The following PLGRKT variants were observed in gnomAD, a reference collection of about 807,000 sequenced individuals.
The protein encoded by PLGRKT is plasminogen receptor (KT).
PLGRKT carries 22 observed loss-of-function variants against 18.5 expected under a neutral mutation model. The ratio of observed to expected loss-of-function variants is 1.19; its 90% CI spans 0.85 to 1.70. PLGRKT has a LOEUF of 1.70. PLGRKT is among the 40% of genes most tolerant of loss of function. The pLI is 0.00. For synonymous variants in PLGRKT, 72 were observed against 52.8 expected (o/e 1.36, Z -1.58); for missense variants, 235 against 174.4 (o/e 1.35, Z -1.96).
chr9:5,398,902 G>A (rs938528843), intron 3 of PLGRKT, among the ~76,000 whole-genome samples: 5 of 151,604 alleles, frequency 3.3e-5, no homozygotes, highest in South Asian at 2.1e-4. Flanking sequence ...AAAGCACTTC[G>A]CCTCCCCATC....
Position 5,418,532 on chromosome 9 carries a change from C to A in PLGRKT, c.81+13365G>T. 1.1e-6 allele frequency: 1 copy of A among 940,724 alleles called. No individual in the cohort carries two copies. Among genetic ancestry groups the A allele is most frequent in the Non-Finnish European group, 1.7e-6 (1 of 575,976 alleles). The allele number at this position is 940,724 out of a possible 1,614,324, so 58.3% of individuals were successfully genotyped here. A position where few individuals can be genotyped will look rare whatever the true frequency, so the allele number is the denominator to read the frequency against. On this transcript the variant is annotated intron_variant, in intron 3 of 5. Transcript: ENST00000223864. The surrounding 1 kb of genome is among the most constrained non-coding windows in gnomAD (Gnocchi z 4.2). ...CGCCTGTCCTGCTCCTCCTCCGCCA[C>A]CCCCTGGGGAGCCCTGCCTTGCAGA... is the stretch of plus-strand genomic sequence containing the variant.
intron 3 of PLGRKT, among the ~76,000 whole-genome samples, chr9:5,398,054 G>A (rs1265971128): frequency 6.6e-6 from 1 of 151,890 alleles, no homozygotes; most frequent in Non-Finnish European, 1.5e-5. Context: ...CCACACTGAG[G>A]ACTAGAGCAG....
In PLGRKT at chr9:5,431,285, G is replaced by C. The variant is rs770950312; in HGVS notation, c.81+612C>G. ...CCAGGCACACATACCTGTAATTCCAGCAATTTGGGAGGCTGAGGCCAGTAG... is the reference window on the plus strand; with the variant it reads ...CCAGGCACACATACCTGTAATTCCACCAATTTGGGAGGCTGAGGCCAGTAG... On this transcript the variant is annotated intron_variant, in intron 3 of 5. Transcript: ENST00000223864. Among the ~76,000 whole-genome samples, 42 of 152,036 alleles carry C rather than the reference G, an allele frequency of 2.8e-4. 1 individual carries two copies. Among genetic ancestry groups the C allele is most frequent in the Admixed American group, 6.5e-5 (1 of 15,270 alleles).
At chr9:5,410,916 T>C (rs1818349935) in intron 3 of PLGRKT, among the ~76,000 whole-genome samples, 1 of 152,214 alleles carries the variant, frequency 6.6e-6, no homozygotes, top group South Asian at 2.1e-4. Context: ...AAATCAGCAT[T>C]ATTTACTTCA....
chr9:5,403,990 C>A (rs1376869870), intron 3 of PLGRKT, among the ~76,000 whole-genome samples: 3 of 152,084 alleles, frequency 2.0e-5, no homozygotes, highest in Non-Finnish European at 4.4e-5. Flanking sequence ...TCAGAGAATA[C>A]TATAAACACC....
At chr9:5,369,513 C>T (rs1385255729) in intron 3 of PLGRKT, among the ~76,000 whole-genome samples, 2 of 152,128 alleles carry the variant, frequency 1.3e-5, no homozygotes, top group Non-Finnish European at 2.9e-5. Flanking sequence ...ATTAGTTCAA[C>T]CATTGTGGAA....
chr9:5,436,462 A>C (rs917406765), intron 2 of PLGRKT, 107 bp downstream of exon 2: 4 of 152,224 alleles, frequency 2.6e-5, no homozygotes, highest in African/African-American at 9.6e-5. Flanking sequence ...GTGTGCTTTC[A>C]AGTGCTCCTG....
At chr9:5,413,753 C>T (rs933792389) in intron 3 of PLGRKT, among the ~76,000 whole-genome samples, 1 of 152,156 alleles carries the variant, frequency 6.6e-6, no homozygotes, top group Non-Finnish European at 1.5e-5. Flanking sequence ...TTTTAAATCA[C>T]TAAGTTTGTG....
intron 3 of PLGRKT, among the ~76,000 whole-genome samples, chr9:5,368,100 T>G (rs1268118177): frequency 2.6e-5 from 4 of 152,194 alleles, no homozygotes; most frequent in African/African-American, 9.6e-5. Context: ...CTGGCAAGGC[T>G]GCAGAGAAGA....
chr9:5,429,156 A>G (rs2131173453), intron 3 of PLGRKT, among the ~76,000 whole-genome samples: 2 of 152,366 alleles, frequency 1.3e-5, no homozygotes, highest in Middle Eastern at 6.8e-3. Flanking sequence ...CACTACATAC[A>G]AATGTACAAT....
At position 5,422,200 on chromosome 9, in the gene PLGRKT, G is replaced by C. The variant is rs561373913; in HGVS notation, c.81+9697C>G. Among the ~76,000 whole-genome samples, 9 of 152,258 alleles carry C rather than the reference G, an allele frequency of 5.9e-5. No individual in the cohort carries two copies. The East Asian group carries it at 1.7e-3, about 29-fold the overall frequency. On this transcript the variant is annotated intron_variant, in intron 3 of 5. Transcript: ENST00000223864. ...ATGATCATGAGTGGATGGTAAGGCC[G>C]GCCGATCACAGGTTGATGGGGAAAC...
intron 3 of PLGRKT, among the ~76,000 whole-genome samples, chr9:5,413,058 C>G (rs1369709640): frequency 6.6e-6 from 1 of 152,136 alleles, no homozygotes; most frequent in Non-Finnish European, 1.5e-5. Flanking sequence ...GCTTGTCAGG[C>G]TAGCAAAAAC....
At chr9:5,387,014 G>C (rs143550810) in intron 3 of PLGRKT, among the ~76,000 whole-genome samples, 1 of 151,882 alleles carries the variant, frequency 6.6e-6, no homozygotes, top group African/African-American at 2.4e-5. Context: ...GATGGCAAAC[G>C]GACAGACTGC....
At chr9:5,409,090 C>T (rs949838693) in intron 3 of PLGRKT, among the ~76,000 whole-genome samples, 10 of 152,182 alleles carry the variant, frequency 6.6e-5, no homozygotes, top group Non-Finnish European at 1.3e-4. Context: ...TGGAGAACCT[C>T]TATTAGAGCA....
At chr9:5,371,986 C>CTTTTTTTTTTTTTTTTTTTTTT (rs71326158) in intron 3 of PLGRKT, among the ~76,000 whole-genome samples, 2,580 of 88,804 alleles carry the variant, frequency 0.029, 590 homozygotes, top group Non-Finnish European at 0.04. Flanking sequence ...TCAGAAAATC[C>CTTTTTTTTTTTTTTTTTTTTTT]TTTTTTTTTT....
intron 3 of PLGRKT, among the ~76,000 whole-genome samples, chr9:5,390,547 T>C (rs1817930167): frequency 4.6e-5 from 7 of 151,852 alleles, no homozygotes; most frequent in Admixed American, 4.6e-4. Flanking sequence ...AAATGATGTT[T>C]ATTCTCCTTG....
At chr9:5,378,762 T>A (rs1163560149) in intron 3 of PLGRKT, among the ~76,000 whole-genome samples, 1 of 151,990 alleles carries the variant, frequency 6.6e-6, no homozygotes, top group African/African-American at 2.4e-5. Context: ...CAAAAAAAAA[T>A]TACAAATTAT....
chr9:5,395,069 T>C (rs922356301), intron 3 of PLGRKT, among the ~76,000 whole-genome samples: 1 of 150,706 alleles, frequency 6.6e-6, no homozygotes, highest in Admixed American at 6.6e-5. Flanking sequence ...ACTCAAAATA[T>C]TACACTTAGA....
At chr9:5,372,180 C>A (rs1290200403) in intron 3 of PLGRKT, among the ~76,000 whole-genome samples, 2 of 151,830 alleles carry the variant, frequency 1.3e-5, no homozygotes, top group Admixed American at 1.3e-4. Context: ...GGGGTTTCAC[C>A]ATGTTGGCCA....
Sources: allele counts gnomAD v4.1 joint callset (sites outside exome capture counted in the v4.1 genomes callset), GRCh38; gene constraint gnomAD v4.1.1; non-coding constraint Gnocchi (gnomAD v3.1); transcripts MANE v1.5; gene names NCBI Gene and HGNC (gene_info 2026-07-23, HGNC 2026-07-21).